ALCAM: variants seen among roughly 807,000 people sequenced by gnomAD.
ALCAM encodes activated leukocyte cell adhesion molecule, also known as CD166 antigen.
Under a neutral mutation model 70.9 loss-of-function variants are expected in ALCAM, and 30 were observed. The observed-to-expected ratio is 0.42, with a 90% CI of 0.32 to 0.57. The LOEUF (loss-of-function observed/expected upper bound fraction) is 0.57, where lower values mean the gene tolerates loss of function less well. Among genes scored for constraint, ALCAM ranks in the 20% least tolerant of loss-of-function variants. ALCAM has a pLI of 0.11. For synonymous variants in ALCAM, 249 were observed against 242.5 expected, an observed-to-expected ratio of 1.03 and a Z score of -0.25; for missense variants, 591 against 695.1, an observed-to-expected ratio of 0.85 and a Z score of 1.68.
At chr3:105,445,366 G>A (rs1559793859) in intron 1 of ALCAM, among the ~76,000 whole-genome samples, 1 of 152,102 alleles carries the variant, frequency 6.6e-6, no homozygotes. Flanking sequence ...TTGTGCTCAT[G>A]AATTAGAACC....
intron 1 of ALCAM, among the ~76,000 whole-genome samples, chr3:105,413,724 T>C (rs1437211886): frequency 6.6e-6 from 1 of 152,164 alleles, no homozygotes; most frequent in East Asian, 1.9e-4. Context: ...TGTCCACAGC[T>C]GCTGTTATTG....
chr3:105,465,135 G>T (rs73185131), intron 1 of ALCAM, among the ~76,000 whole-genome samples: 28,204 of 151,362 alleles, frequency 0.19, 2,808 homozygotes, highest in East Asian at 0.37. Context: ...GAAAAGGCTT[G>T]TGTATATTGT....
At chr3:105,403,173 C>T (rs1214132256) in intron 1 of ALCAM, among the ~76,000 whole-genome samples, 1 of 152,072 alleles carries the variant, frequency 6.6e-6, no homozygotes, top group Non-Finnish European at 1.5e-5. Flanking sequence ...TCTCGAATTC[C>T]TGACCTTAGG....
intron 1 of ALCAM, among the ~76,000 whole-genome samples, chr3:105,415,674 A>T (rs1223440348): frequency 6.6e-6 from 1 of 152,070 alleles, no homozygotes; most frequent in Non-Finnish European, 1.5e-5. Context: ...TTTTCCTAAA[A>T]TATTTGTTTT....
rs76811544 is a variant in ALCAM at position 105,516,451 on chromosome 3, C to T, written c.74-3616C>T. ...ATTTTATCGTCACTTGCCTGAGATT[C>T]TATATATCAGAATTACTTCTTTAAG... On this transcript the variant is annotated intron_variant, in intron 1 of 15. Transcript: ENST00000306107. 2.6e-3 allele frequency among the ~76,000 whole-genome samples: 395 copies of T among 152,046 alleles called. 1 individual carries two copies. The highest frequency in any genetic ancestry group is 4.3e-3 in the Non-Finnish European group (292 of 67,908).
chr3:105,371,424 G>A (rs192072476), intron 1 of ALCAM, among the ~76,000 whole-genome samples: 3 of 151,448 alleles, frequency 2.0e-5, no homozygotes, highest in Non-Finnish European at 4.4e-5. Flanking sequence ...ATTAATTAAG[G>A]CTTTTATTAT....
At chr3:105,544,865 ATAATATTTACCT>A in intron 8 of ALCAM, 1 of 235,714 alleles carries the variant, frequency 4.2e-6, no homozygotes, top group Non-Finnish European at 8.5e-6. Flanking sequence ...GTCTCTTTAT[ATAATATTTACCT>A]AGTCATCATC....
intron 1 of ALCAM, among the ~76,000 whole-genome samples, chr3:105,505,309 G>A (rs1273040289): frequency 3.3e-4 from 51 of 152,316 alleles, no homozygotes; most frequent in Non-Finnish European, 1.5e-5. Flanking sequence ...AATCGTGGCG[G>A]AAGGTGAAGA....
intron 1 of ALCAM, among the ~76,000 whole-genome samples, chr3:105,371,611 A>G (rs544262221): frequency 7.9e-5 from 12 of 151,784 alleles, no homozygotes; most frequent in Admixed American, 7.9e-4. Context: ...AGTTGTCAAT[A>G]TTACTTGGTG....
chr3:105,496,589 A>G (rs1938745046), intron 1 of ALCAM, among the ~76,000 whole-genome samples: 1 of 152,124 alleles, frequency 6.6e-6, no homozygotes, highest in South Asian at 2.1e-4. Context: ...GACTTGTCGT[A>G]CCAGTCACCC....
At chr3:105,554,277 T>G (rs929881794) in intron 14 of ALCAM, among the ~76,000 whole-genome samples, 2 of 151,894 alleles carry the variant, frequency 1.3e-5, no homozygotes, top group Non-Finnish European at 2.9e-5. Context: ...GAAACCCACA[T>G]GGGCTAAAAC....
chr3:105,501,350 G>A (rs1468097822), intron 1 of ALCAM, among the ~76,000 whole-genome samples: 1 of 152,180 alleles, frequency 6.6e-6, no homozygotes, highest in African/African-American at 2.4e-5. Context: ...AGCATAGTAT[G>A]TGCTTATAGA....
At chr3:105,500,442 C>T (rs1938889401) in intron 1 of ALCAM, among the ~76,000 whole-genome samples, 1 of 151,916 alleles carries the variant, frequency 6.6e-6, no homozygotes, top group Non-Finnish European at 1.5e-5. Context: ...ATTTCCTTTC[C>T]AACTTCAGCA....
intron 14 of ALCAM, among the ~76,000 whole-genome samples, chr3:105,570,562 CAT>C (rs960527416): frequency 6.6e-6 from 1 of 152,090 alleles, no homozygotes; most frequent in Non-Finnish European, 1.5e-5. Context: ...GCATAAGAAA[CAT>C]GTGGACACAC....
In ALCAM at chr3:105,540,163, A is replaced by G. The variant is rs1940079402; in HGVS notation, c.858+61A>G. 7.2e-6 allele frequency: 11 copies of G among 1,518,352 alleles called. No individual in the cohort carries two copies. The Admixed American group carries it at 1.6e-4, about 22-fold the overall frequency. 94.1% of individuals were successfully genotyped at this position (1,518,352 alleles called of 1,614,324 possible). On this transcript the variant is annotated intron_variant, in intron 7 of 15. Coordinates refer to ENST00000306107, the MANE Select transcript of ALCAM (RefSeq NM_001627.4). ...TCATTTTTCCTGTTGTTTGACTTCT[A>G]CATGGATAGATTAAGTGAGAAAAAA...
At chr3:105,507,555 G>T (rs981450555) in intron 1 of ALCAM, among the ~76,000 whole-genome samples, 1 of 151,852 alleles carries the variant, frequency 6.6e-6, no homozygotes, top group Non-Finnish European at 1.5e-5. Context: ...CTTTTACTTC[G>T]CAGTATGCAT....
rs1183999081 is a variant in ALCAM, at chr3:105,367,124, A to G, written c.-285A>G. ...CGCTTACACCTTTCCGAATTACTCA[A>G]GTGTCTCCTGGAAACAGAGGGTCGT... On this transcript the variant is annotated 5_prime_UTR_variant, in exon 1 of 16. Transcript: ENST00000306107. 3 of 451,132 alleles carry G rather than the reference A, an allele frequency of 6.6e-6. No individual in the cohort carries two copies. Among genetic ancestry groups the G allele is most frequent in the Non-Finnish European group, 8.2e-6 (2 of 244,922 alleles). 27.9% of individuals were successfully genotyped at this position (451,132 alleles called of 1,614,324 possible). A position where few individuals can be genotyped will look rare whatever the true frequency, so the allele number is the denominator to read the frequency against.
chr3:105,445,699 T>G (rs1370313350), intron 1 of ALCAM, among the ~76,000 whole-genome samples: 1 of 152,196 alleles, frequency 6.6e-6, no homozygotes, highest in Non-Finnish European at 1.5e-5. Flanking sequence ...CAACTTATTT[T>G]CAACAAAGGT....
chr3:105,471,633 A>G (rs1210077414), intron 1 of ALCAM, among the ~76,000 whole-genome samples: 1 of 149,122 alleles, frequency 6.7e-6, no homozygotes, highest in African/African-American at 2.5e-5. Context: ...ATTAATCATG[A>G]AAAACGACTT....
Sources: gnomAD v4.1 joint callset for allele counts (sites outside exome capture counted in the v4.1 genomes callset) on GRCh38, gnomAD v4.1.1 for gene constraint, MANE v1.5 for transcripts, NCBI Gene and HGNC (gene_info 2026-07-23, HGNC 2026-07-21) for gene names.